AGBL4: variants seen among roughly 807,000 people sequenced by gnomAD.
AGBL4 encodes AGBL carboxypeptidase 4.
Under a neutral mutation model 66.4 loss-of-function variants are expected in AGBL4, and 58 were observed. That is an observed-to-expected ratio of 0.87 (90% CI 0.71 to 1.09). AGBL4 has a LOEUF of 1.09. Among genes scored for constraint, AGBL4 ranks in the 50% least tolerant of loss-of-function variants. The pLI is 0.00. For missense variants in AGBL4, 579 were observed against 631.0 expected (o/e 0.92, Z 0.88); for synonymous variants, 234 against 222.9 (o/e 1.05, Z -0.44).
chr1:48,605,797 G>A (rs918850942), intron 9 of AGBL4, among the ~76,000 whole-genome samples: 3 of 152,202 alleles, frequency 2.0e-5, no homozygotes, highest in African/African-American at 7.2e-5. Flanking sequence ...TCTGAGAAAT[G>A]CTATTGTTTA....
At chr1:49,697,258 A>G (rs1647003663) in intron 3 of AGBL4, 55 bp downstream of exon 3, 1 of 1,486,772 alleles carries the variant, frequency 6.7e-7, no homozygotes, top group African/African-American at 1.4e-5. Context: ...AAAAGAAGAC[A>G]AAAGCATATT....
chr1:49,139,035 G>A (rs1241090456), intron 4 of AGBL4, among the ~76,000 whole-genome samples: 2 of 152,074 alleles, frequency 1.3e-5, no homozygotes, highest in Non-Finnish European at 2.9e-5. Flanking sequence ...AGAGAGCAAA[G>A]GGGGAAGTGC....
chr1:49,053,813 A>G (rs886505031), intron 4 of AGBL4, among the ~76,000 whole-genome samples: 5 of 152,194 alleles, frequency 3.3e-5, no homozygotes, highest in African/African-American at 1.2e-4. Context: ...GCAATAATAA[A>G]TACATAACGT....
At chr1:49,587,308 G>A (rs565267660) in intron 3 of AGBL4, among the ~76,000 whole-genome samples, 1 of 151,816 alleles carries the variant, frequency 6.6e-6, no homozygotes, top group African/African-American at 2.4e-5. Flanking sequence ...GAAAAGAGAA[G>A]AGAAGAGAAG....
intron 5 of AGBL4, among the ~76,000 whole-genome samples, chr1:48,939,914 G>T (rs1043440252): frequency 6.6e-6 from 1 of 152,186 alleles, no homozygotes; most frequent in East Asian, 1.9e-4. Context: ...CAACTAGGAG[G>T]AGGGTGCCAC....
chr1:48,705,278 G>C (rs1646864989), intron 6 of AGBL4, among the ~76,000 whole-genome samples: 1 of 152,060 alleles, frequency 6.6e-6, no homozygotes. Flanking sequence ...AAAAGAGAAA[G>C]TATACAATTG....
At chr1:48,734,815 C>T (rs1220838602) in intron 6 of AGBL4, among the ~76,000 whole-genome samples, 6 of 152,232 alleles carry the variant, frequency 3.9e-5, no homozygotes, top group East Asian at 1.9e-4. Flanking sequence ...CTGAAGTTAT[C>T]GAGCTTGTTC....
At chr1:48,904,077 G>C (rs1207984404) in intron 5 of AGBL4, among the ~76,000 whole-genome samples, 1 of 152,086 alleles carries the variant, frequency 6.6e-6, no homozygotes, top group Admixed American at 6.6e-5. Context: ...TTAGGAGTTC[G>C]AGACCAGCCT....
At chr1:48,657,563 A>C (rs1327175852) in intron 7 of AGBL4, among the ~76,000 whole-genome samples, 1 of 152,216 alleles carries the variant, frequency 6.6e-6, no homozygotes, top group Admixed American at 6.5e-5. Context: ...GAGGTAAAGC[A>C]GCTTTCAGTC....
At chr1:48,894,157 G>T (rs760729041) in intron 5 of AGBL4, among the ~76,000 whole-genome samples, 2 of 152,162 alleles carry the variant, frequency 1.3e-5, no homozygotes, top group Non-Finnish European at 2.9e-5. Flanking sequence ...TTAGCTTAAT[G>T]GTTAATTAGC....
intron 5 of AGBL4, among the ~76,000 whole-genome samples, chr1:48,901,351 C>G (rs1294756651): frequency 6.6e-6 from 1 of 152,214 alleles, no homozygotes; most frequent in Admixed American, 6.5e-5. Context: ...ATGATCCAGA[C>G]ATTCCACTCC....
intron 3 of AGBL4, among the ~76,000 whole-genome samples, chr1:49,480,729 T>C (rs1436344953): frequency 6.6e-6 from 1 of 152,074 alleles, no homozygotes; most frequent in Admixed American, 6.6e-5. Flanking sequence ...ACGTCCTGAA[T>C]TATATTGCCA....
intron 5 of AGBL4, among the ~76,000 whole-genome samples, chr1:48,925,527 A>T (rs1011038104): frequency 1.2e-4 from 18 of 151,952 alleles, no homozygotes; most frequent in Non-Finnish European, 2.2e-4. Flanking sequence ...GTTTTTTTTT[A>T]AAAGCTCATC....
At chr1:48,910,268 G>A (rs1489343218) in intron 5 of AGBL4, among the ~76,000 whole-genome samples, 1 of 152,200 alleles carries the variant, frequency 6.6e-6, no homozygotes, top group Non-Finnish European at 1.5e-5. Context: ...CACTTGACGT[G>A]AAATGCGACT....
intron 4 of AGBL4, among the ~76,000 whole-genome samples, chr1:49,236,471 T>C (rs772324305): frequency 1.4e-4 from 21 of 152,186 alleles, no homozygotes; most frequent in Non-Finnish European, 2.5e-4. Context: ...AAAATATTTG[T>C]ATGGTTTGGG....
At chr1:48,712,296 C>A (rs1246389690) in intron 6 of AGBL4, among the ~76,000 whole-genome samples, 1 of 152,192 alleles carries the variant, frequency 6.6e-6, no homozygotes, top group Non-Finnish European at 1.5e-5. Context: ...TCCCTCCAAT[C>A]CTCAACACCA....
At chr1:48,968,083 C>G (rs868782086) in intron 5 of AGBL4, among the ~76,000 whole-genome samples, 16 of 121,882 alleles carry the variant, frequency 1.3e-4, no homozygotes, top group African/African-American at 4.7e-4. Context: ...AATCTGGGAT[C>G]AGAAATCTCC....
At chr1:48,978,022 C>T (rs775164244) in intron 5 of AGBL4, among the ~76,000 whole-genome samples, 4 of 152,090 alleles carry the variant, frequency 2.6e-5, no homozygotes, top group Non-Finnish European at 5.9e-5. Flanking sequence ...ATAACATGAC[C>T]TTATCTAGAA....
At chr1:48,591,635 T>C (rs1049508357) in intron 9 of AGBL4, among the ~76,000 whole-genome samples, 12 of 152,250 alleles carry the variant, frequency 7.9e-5, no homozygotes, top group Non-Finnish European at 1.5e-4. Context: ...ACTGTATATA[T>C]AATGCATGCC....
Sources: gnomAD v4.1 joint callset for allele counts (sites outside exome capture counted in the v4.1 genomes callset) on GRCh38, gnomAD v4.1.1 for gene constraint, MANE v1.5 for transcripts, NCBI Gene and HGNC (gene_info 2026-07-23, HGNC 2026-07-21) for gene names.